Variants in CDK14 observed in about 807,000 individuals in gnomAD.
CDK14 encodes cyclin-dependent kinase 14.
A neutral mutation model predicts 60.7 loss-of-function variants in CDK14; 34 were observed. That is an observed-to-expected ratio of 0.56 (90% CI 0.43 to 0.75). CDK14 has a LOEUF of 0.75. Among genes scored for constraint, CDK14 ranks in the 30% least tolerant of loss-of-function variants. CDK14 has a pLI of 0.00. For synonymous variants in CDK14, 197 were observed against 203.7 expected (o/e 0.97, Z 0.28); for missense variants, 482 against 564.1 (o/e 0.85, Z 1.47).
At chr7:90,770,499 T>C (rs1285541048) in intron 4 of CDK14, among the ~76,000 whole-genome samples, 2 of 152,230 alleles carry the variant, frequency 1.3e-5, no homozygotes, top group Non-Finnish European at 2.9e-5. Context: ...TGGTTCTTAA[T>C]TATCTTCATT....
chr7:90,951,223 C>T (rs926340232), intron 8 of CDK14, among the ~76,000 whole-genome samples: 2 of 151,980 alleles, frequency 1.3e-5, no homozygotes, highest in Non-Finnish European at 2.9e-5. Flanking sequence ...AACCTTTCTC[C>T]TAGAAATATT....
intron 10 of CDK14, among the ~76,000 whole-genome samples, chr7:90,993,886 TGTA>T (rs1234230463): frequency 6.6e-6 from 1 of 152,332 alleles, no homozygotes; most frequent in South Asian, 2.1e-4. Context: ...ATTTCCCAGT[TGTA>T]GTAATTTTTA....
intron 3 of CDK14, among the ~76,000 whole-genome samples, chr7:90,735,414 C>T (rs776915548): frequency 1.1e-4 from 17 of 152,316 alleles, no homozygotes; most frequent in South Asian, 6.2e-4. Flanking sequence ...CGCCCACAGC[C>T]GCCCCTTTCC....
At chr7:90,616,743 A>G (rs576829893) in intron 2 of CDK14, among the ~76,000 whole-genome samples, 6 of 152,314 alleles carry the variant, frequency 3.9e-5, no homozygotes, top group East Asian at 3.9e-4. Context: ...ACTAATTTCT[A>G]TATAGTTATT....
At chr7:90,983,454 C>T (rs948682502) in intron 9 of CDK14, among the ~76,000 whole-genome samples, 4 of 151,962 alleles carry the variant, frequency 2.6e-5, no homozygotes, top group Non-Finnish European at 4.4e-5. Context: ...CCGAGACGGG[C>T]GGATCACAAG....
chr7:90,751,287 A>G (rs1361539706), intron 4 of CDK14, among the ~76,000 whole-genome samples: 1 of 152,196 alleles, frequency 6.6e-6, no homozygotes, highest in Non-Finnish European at 1.5e-5. Flanking sequence ...AAGCAAGATC[A>G]CATATAAAGG....
At chr7:90,859,153 A>T (rs1004827520) in intron 5 of CDK14, among the ~76,000 whole-genome samples, 6 of 152,228 alleles carry the variant, frequency 3.9e-5, no homozygotes, top group Non-Finnish European at 7.3e-5. Flanking sequence ...GGGAATATAC[A>T]TTGTTGCTCC....
chr7:91,108,169 A>G (rs143612724), intron 12 of CDK14, among the ~76,000 whole-genome samples: 1 of 152,190 alleles, frequency 6.6e-6, no homozygotes, highest in Non-Finnish European at 1.5e-5. Flanking sequence ...TTAGCCAGGC[A>G]TGGTGGCGCA....
rs192279534 is a variant in CDK14 at position 91,163,731 on chromosome 7, C to A, written c.*29-43434C>A. Among the ~76,000 whole-genome samples, 4 of 152,260 alleles carry A rather than the reference C, an allele frequency of 2.6e-5. No individual in the cohort carries two copies. The East Asian group carries it at 7.7e-4, about 29-fold the overall frequency. On this transcript the variant is annotated intron_variant, in intron 14 of 14. Coordinates refer to ENST00000380050, the MANE Select transcript of CDK14 (RefSeq NM_001287135.2). The stretch of plus-strand genomic sequence containing the variant: ...TCTCTTGTCCAGTTGAAACTTTATA[C>A]CCTTTGACCAACAACTTCCTTTCCT...
At chr7:91,205,428 G>A (rs555088319) in intron 14 of CDK14, among the ~76,000 whole-genome samples, 2 of 152,288 alleles carry the variant, frequency 1.3e-5, no homozygotes, top group South Asian at 4.2e-4. Context: ...AGTGAAAAAA[G>A]CTAGACAAAA....
rs148197262 is a variant in CDK14 at position 90,674,812 on chromosome 7, C to T, written c.124-51755C>T. Among the ~76,000 whole-genome samples, 1,201 of 152,282 alleles carry T rather than the reference C, an allele frequency of 7.9e-3. 13 individuals are homozygous for T. Among genetic ancestry groups the T allele is most frequent in the African/African-American group, 0.027 (1,137 of 41,564 alleles). On this transcript the variant is annotated intron_variant, in intron 2 of 14. Coordinates refer to ENST00000380050, the MANE Select transcript of CDK14 (RefSeq NM_001287135.2). Reference sequence around the variant, plus strand: ...GGGACAGGCCAGGACACCACCTCAGCACACCCAGTCTGGCTCAGCCTCCAA... The same window carrying T: ...GGGACAGGCCAGGACACCACCTCAGTACACCCAGTCTGGCTCAGCCTCCAA...
At chr7:91,086,596 C>T (rs1740381615) in intron 12 of CDK14, among the ~76,000 whole-genome samples, 1 of 152,168 alleles carries the variant, frequency 6.6e-6, no homozygotes, top group Admixed American at 6.5e-5. Context: ...GAGAGGGGCT[C>T]CATTTTCTAA....
intron 2 of CDK14, among the ~76,000 whole-genome samples, chr7:90,615,404 G>A (rs1359087902): frequency 1.3e-5 from 2 of 152,162 alleles, no homozygotes; most frequent in Admixed American, 6.5e-5. Flanking sequence ...TGTCTATAAA[G>A]TGTGGTATTT....
rs140726986 is a variant in CDK14 at position 90,601,568 on chromosome 7, A to G, written c.92-2650A>G. ...AGCAAATACACTTGCAGTTTCTTCTATTTTCTCCTCTTGATACCTCCAGAC... is the reference window on the plus strand; with the variant it reads ...AGCAAATACACTTGCAGTTTCTTCTGTTTTCTCCTCTTGATACCTCCAGAC... On this transcript the variant is annotated intron_variant, in intron 1 of 14. Transcript: ENST00000380050. Among the ~76,000 whole-genome samples, 384 of 152,172 alleles carry G rather than the reference A, an allele frequency of 2.5e-3. 2 individuals carry two copies. The highest frequency in any genetic ancestry group is 8.3e-3 in the African/African-American group (344 of 41,506).
At position 90,650,186 on chromosome 7, in the gene CDK14, G is replaced by C. The variant is rs541937322; in HGVS notation, c.123+45937G>C. ...TGAGATGGTATCTCATTGTGGTTTT[G>C]ATTTGCATTTCTCTGATGACCAGTG... On this transcript the variant is annotated intron_variant, in intron 2 of 14. Coordinates refer to ENST00000380050, the MANE Select transcript of CDK14 (RefSeq NM_001287135.2). Among the ~76,000 whole-genome samples the C allele has an allele frequency of 4.6e-5, 7 of 152,292 alleles. No homozygotes were observed. In the South Asian group the frequency reaches 8.3e-4, roughly 18 times the overall value.
At chr7:90,890,713 T>A (rs1421171572) in intron 6 of CDK14, among the ~76,000 whole-genome samples, 1 of 152,234 alleles carries the variant, frequency 6.6e-6, no homozygotes, top group African/African-American at 2.4e-5. Flanking sequence ...ATTTCATGTT[T>A]TAATTCTTAT....
At chr7:90,989,001 A>AATGTGT (rs1795456846) in intron 10 of CDK14, among the ~76,000 whole-genome samples, 1 of 149,750 alleles carries the variant, frequency 6.7e-6, no homozygotes, top group Admixed American at 6.7e-5. Context: ...TTTGTGTGTG[A>AATGTGT]GTGTGTGTGT....
chr7:90,683,313 T>G (rs1237414389), intron 2 of CDK14, among the ~76,000 whole-genome samples: 1 of 152,236 alleles, frequency 6.6e-6, no homozygotes. Flanking sequence ...AAGATAATTT[T>G]GGTGCTCAGA....
intron 3 of CDK14, among the ~76,000 whole-genome samples, chr7:90,730,796 T>A (rs189660826): frequency 9.8e-5 from 15 of 152,376 alleles, no homozygotes; most frequent in African/African-American, 3.6e-4. Flanking sequence ...TCTCCCATTC[T>A]GGAGTTTGCC....
Sources: gnomAD v4.1 joint callset for allele counts (sites outside exome capture counted in the v4.1 genomes callset) on GRCh38, gnomAD v4.1.1 for gene constraint, MANE v1.5 for transcripts, NCBI Gene and HGNC (gene_info 2026-07-23, HGNC 2026-07-21) for gene names.